Variants in PRSS12 observed in about 807,000 individuals in gnomAD.
PRSS12 encodes the protein neurotrypsin.
PRSS12 carries 85 observed loss-of-function variants against 104.4 expected under a neutral mutation model. The observed-to-expected ratio is 0.81, with a 90% CI of 0.68 to 0.98. The LOEUF is 0.98. Among genes scored for constraint, PRSS12 ranks in the 50% least tolerant of loss-of-function variants. The probability of loss-of-function intolerance (pLI) is 0.00; values close to 1 mark genes in which losing one functional copy is unlikely to be tolerated. For synonymous variants in PRSS12, 454 were observed against 425.2 expected (o/e 1.07, Z -0.83); for missense variants, 1,141 against 1,139.2 (o/e 1.00, Z -0.02).
intron 9 of PRSS12, 137 bp downstream of exon 9, chr4:118,298,596 G>C: frequency 1.0e-6 from 1 of 964,832 alleles, no homozygotes; most frequent in African/African-American, 1.6e-5. Flanking sequence ...AGAACTACCG[G>C]ATCTAAGTAA....
chr4:118,292,970 G>A (rs567073151), intron 11 of PRSS12, among the ~76,000 whole-genome samples: 3 of 151,960 alleles, frequency 2.0e-5, no homozygotes, highest in South Asian at 4.2e-4. Flanking sequence ...AGCCAAGATC[G>A]TGCCACTACA....
At position 118,331,874 on chromosome 4, in the gene PRSS12, A is replaced by G; in HGVS notation, c.821-8T>C. On this transcript the variant is annotated splice_polypyrimidine_tract_variant and splice_region_variant and intron_variant, in intron 3 of 12. Transcript: ENST00000296498. ...TGATGGGGAACGTTGGGCCTGTGCAATGTGAAGTTAAAAATAAGCAAAACC... is the reference window on the plus strand; with the variant it reads ...TGATGGGGAACGTTGGGCCTGTGCAGTGTGAAGTTAAAAATAAGCAAAACC... 1 of 1,613,798 alleles carries G rather than the reference A, an allele frequency of 6.2e-7. No homozygotes were observed. The highest frequency in any genetic ancestry group is 8.5e-7 in the Non-Finnish European group (1 of 1,180,012).
intron 8 of PRSS12, among the ~76,000 whole-genome samples, chr4:118,305,120 T>TACAC (rs1251673991): frequency 3.5e-5 from 5 of 141,378 alleles, no homozygotes; most frequent in African/African-American, 5.2e-5. Flanking sequence ...TATATATATA[T>TACAC]ACACACACAC....
chr4:118,327,635 C>T (rs1057028062), intron 4 of PRSS12, among the ~76,000 whole-genome samples: 8 of 152,118 alleles, frequency 5.3e-5, no homozygotes, highest in African/African-American at 1.4e-4. Flanking sequence ...AATATGATCT[C>T]ACAGTACAAA....
In PRSS12 at chr4:118,352,040, T is replaced by C. The variant is rs183351435; in HGVS notation, c.502+179A>G. 2.8e-4 allele frequency among the ~76,000 whole-genome samples: 42 copies of C among 152,174 alleles called. No homozygotes were observed. The East Asian group carries it at 7.8e-3, about 28-fold the overall frequency. Reference sequence around the variant, plus strand: ...CACAAGCACACCTGGCTGGCTTAGATTTGCAGCACCAGTATACCTTACTGG... The same window carrying C: ...CACAAGCACACCTGGCTGGCTTAGACTTGCAGCACCAGTATACCTTACTGG... On this transcript the variant is annotated intron_variant, in intron 1 of 12. Coordinates refer to ENST00000296498, the MANE Select transcript of PRSS12 (RefSeq NM_003619.4).
At chr4:118,295,110 C>A (rs748357638) in intron 10 of PRSS12, 49 bp from the exon 11 acceptor site, 10 of 1,597,488 alleles carry the variant, frequency 6.3e-6, no homozygotes, top group Non-Finnish European at 8.5e-6. Flanking sequence ...GGCAAAAAAG[C>A]AAAGGAAAGC....
chr4:118,342,110 T>C (rs1470890681), intron 1 of PRSS12, among the ~76,000 whole-genome samples: 1 of 152,116 alleles, frequency 6.6e-6, no homozygotes, highest in Non-Finnish European at 1.5e-5. Context: ...CTGTACAAAG[T>C]TGTAGGAGGA....
In PRSS12 at chr4:118,318,434, C is replaced by T. The variant is rs1430145461; in HGVS notation, c.1094G>A (p.Gly365Glu). ...TTCTTTATGGCCACAGTTATGCTCT[C>T]CCCAGGAGCTCTTTGGACACTGCTC... Reference protein sequence around the residue: ...SIEQCPKSSWGEHNCGHKEDA... With the variant: ...SIEQCPKSSWEEHNCGHKEDA... Residue 365 changes from glycine (G) to glutamate (E), a missense_variant, in exon 5 of 13, where the codon GGA (glycine) becomes GAA (glutamate). By Grantham distance (98) the Gly-to-Glu change is moderately conservative (BLOSUM62 -2). Coordinates refer to ENST00000296498, the MANE Select transcript of PRSS12 (RefSeq NM_003619.4). The T allele has an allele frequency of 6.2e-7, 1 of 1,614,080 alleles. No individual in the cohort carries two copies. Among genetic ancestry groups the T allele is most frequent in the African/African-American group, 1.3e-5 (1 of 75,024 alleles).
chr4:118,313,412 T>A lies in PRSS12; in HGVS notation c.1293-15A>T. On this transcript the variant is annotated splice_polypyrimidine_tract_variant and intron_variant, in intron 6 of 12. Transcript: ENST00000296498. ...GTTTACCATATCTGTGACAATTGAA[T>A]AAACACTGTGTATAGAACTTCTGTC... 1 of 1,612,736 alleles carries A rather than the reference T, an allele frequency of 6.2e-7. No individual in the cohort carries two copies. The highest frequency in any genetic ancestry group is 8.5e-7 in the Non-Finnish European group (1 of 1,178,856).
chr4:118,300,529 C>T (rs1444064164), intron 8 of PRSS12, among the ~76,000 whole-genome samples: 2 of 151,944 alleles, frequency 1.3e-5, no homozygotes, highest in South Asian at 2.1e-4. Context: ...AGCTTTCAAG[C>T]AAATTAATGA....
intron 1 of PRSS12, 32 bp downstream of exon 1, chr4:118,352,187 G>A: frequency 1.2e-6 from 2 of 1,609,342 alleles, no homozygotes; most frequent in Non-Finnish European, 1.7e-6. Flanking sequence ...GAGCCCGTCC[G>A]GAGTTTCCGC....
chr4:118,352,095 C>A, intron 1 of PRSS12, 124 bp downstream of exon 1: 1 of 1,396,110 alleles, frequency 7.2e-7, no homozygotes, highest in Non-Finnish European at 9.7e-7. Flanking sequence ...CATCACAGCC[C>A]GCAAACGCAA....
rs755655664 is a variant in PRSS12 at position 118,352,356 on chromosome 4, G to A, written c.365C>T (p.Ser122Leu). Residue 122 changes from serine (S) to leucine (L), a missense_variant, in exon 1 of 13, where the codon TCG (serine) becomes TTG (leucine). Ser to Leu is a moderately radical substitution (Grantham distance 145). Coordinates refer to ENST00000296498, the MANE Select transcript of PRSS12 (RefSeq NM_003619.4). ...CAGCTGAGCCCAGCTCGCTGGGGGC[G>A]ACCGCTCCAGGAAGGGTGGCACCTC... ...WAEVPPFLER[S>L]PPASWAQLRG... 3.2e-6 allele frequency: 5 copies of A among 1,568,690 alleles called. No homozygotes were observed. Among genetic ancestry groups the A allele is most frequent in the Non-Finnish European group, 4.3e-6 (5 of 1,162,954 alleles).
intron 11 of PRSS12, 144 bp from the exon 12 acceptor site, chr4:118,283,255 C>T: frequency 9.0e-6 from 9 of 999,058 alleles, no homozygotes; most frequent in Non-Finnish European, 1.4e-5. Flanking sequence ...TTTATCTGAC[C>T]CACCATTCCT....
intron 4 of PRSS12, among the ~76,000 whole-genome samples, chr4:118,328,648 G>C (rs78702539): frequency 0.042 from 6,417 of 152,214 alleles, 221 homozygotes; most frequent in South Asian, 0.15. Context: ...TTTAGAAAGA[G>C]AGTCTTGCTG....
At chr4:118,307,348 T>C (rs1308142927) in intron 8 of PRSS12, among the ~76,000 whole-genome samples, 1 of 152,164 alleles carries the variant, frequency 6.6e-6, no homozygotes, top group Non-Finnish European at 1.5e-5. Flanking sequence ...TGAACTTTTA[T>C]TAAAACAGAA....
At chr4:118,293,314 T>C (rs1325527778) in intron 11 of PRSS12, among the ~76,000 whole-genome samples, 1 of 151,972 alleles carries the variant, frequency 6.6e-6, no homozygotes, top group African/African-American at 2.4e-5. Flanking sequence ...AACTTCTAAA[T>C]ATTAAAAGCA....
In PRSS12 at chr4:118,298,737, A is replaced by C. The variant is rs759477288; in HGVS notation, c.1833T>G (p.Asn611Lys). The change falls in exon 9 of 13, where the codon AAT becomes AAG. Residue 611 changes from asparagine to lysine, a missense_variant. By Grantham distance (94) the Asn-to-Lys change is moderately conservative. Transcript: ENST00000296498. The part of the protein sequence containing the change: ...YFGKKASGNS[N>K]KESLSSVCGL... Reference sequence around the variant, plus strand: ...GGGCTCCAGAAGGTGACTTACCTTTATTACTGTTACCTGAGGCCTTCTTGC... The same window carrying C: ...GGGCTCCAGAAGGTGACTTACCTTTCTTACTGTTACCTGAGGCCTTCTTGC... 1 of 1,614,132 alleles carries C rather than the reference A, an allele frequency of 6.2e-7. No homozygotes were observed.
intron 2 of PRSS12, 135 bp downstream of exon 2, chr4:118,338,041 G>C: frequency 8.7e-7 from 1 of 1,150,588 alleles, no homozygotes; most frequent in Non-Finnish European, 1.3e-6. Context: ...TTTCTTTATA[G>C]CTCTTTTGTG....
Sources: allele counts gnomAD v4.1 joint callset (sites outside exome capture counted in the v4.1 genomes callset), GRCh38; gene constraint gnomAD v4.1.1; transcripts MANE v1.5; gene names NCBI Gene and HGNC (gene_info 2026-07-23, HGNC 2026-07-21).